TSPAN18: variants seen among roughly 807,000 people sequenced by gnomAD.
TSPAN18 encodes the protein tetraspanin 18, also known as tetraspanin-18.
In TSPAN18, 14 loss-of-function variants were observed where a neutral mutation model predicts 27.3. The observed-to-expected ratio is 0.51, with a 90% CI of 0.34 to 0.80. The LOEUF (loss-of-function observed/expected upper bound fraction) is 0.80. Ranked by LOEUF, TSPAN18 falls within the 30% of genes least tolerant of loss-of-function variation. The probability of loss-of-function intolerance (pLI) is 0.01; values close to 1 mark genes in which losing one functional copy is unlikely to be tolerated. For synonymous variants in TSPAN18, 143 were observed against 136.5 expected, an observed-to-expected ratio of 1.05 and a Z score of -0.33; for missense variants, 268 against 323.9, an observed-to-expected ratio of 0.83 and a Z score of 1.32.
intron 3 of TSPAN18, among the ~76,000 whole-genome samples, chr11:44,900,680 CTTTTTTTTTTTTT>C (rs72469181): frequency 6.0e-5 from 3 of 49,704 alleles, no homozygotes; most frequent in African/African-American, 9.0e-5. Context: ...TTGAGGAAGG[CTTTTTTTTTTTTT>C]TTTTTTTTTT....
At chr11:44,841,944 C>G (rs906687725) in intron 2 of TSPAN18, among the ~76,000 whole-genome samples, 5 of 152,166 alleles carry the variant, frequency 3.3e-5, no homozygotes, top group Admixed American at 3.3e-4. Flanking sequence ...AGAGGTGAGC[C>G]GTCTGTAAGC....
intron 1 of TSPAN18, among the ~76,000 whole-genome samples, chr11:44,747,983 C>G (rs1254000437): frequency 6.6e-6 from 1 of 152,254 alleles, no homozygotes; most frequent in South Asian, 2.1e-4. Context: ...GGTCAGAAGA[C>G]TTCGGTTCTC....
intron 1 of TSPAN18, among the ~76,000 whole-genome samples, chr11:44,746,018 G>A (rs1176803701): frequency 1.3e-5 from 2 of 152,102 alleles, no homozygotes; most frequent in South Asian, 2.1e-4. Context: ...CAGAGCGAGA[G>A]TCCATCTCAA....
intron 2 of TSPAN18, among the ~76,000 whole-genome samples, chr11:44,810,311 G>A (rs1016175764): frequency 1.3e-5 from 2 of 151,896 alleles, no homozygotes; most frequent in African/African-American, 4.8e-5. Context: ...TCAGCCCTTC[G>A]CAACCACCAA....
intron 2 of TSPAN18, among the ~76,000 whole-genome samples, chr11:44,842,018 C>A (rs571990227): frequency 6.6e-6 from 1 of 152,178 alleles, no homozygotes; most frequent in South Asian, 2.1e-4. Context: ...CATTGTGCAG[C>A]GGGGAAACTG....
chr11:44,739,970 G>A (rs990592742), intron 1 of TSPAN18, among the ~76,000 whole-genome samples: 4 of 152,164 alleles, frequency 2.6e-5, no homozygotes, highest in Non-Finnish European at 2.9e-5. Flanking sequence ...ATGGCCAGCC[G>A]TGATGCAGTC....
intron 2 of TSPAN18, among the ~76,000 whole-genome samples, chr11:44,794,668 A>T (rs1188748996): frequency 6.6e-6 from 1 of 151,536 alleles, no homozygotes; most frequent in East Asian, 1.9e-4. Context: ...ACTCTGTCTC[A>T]GGAAAAAAAA....
At chr11:44,726,944 G>A (rs1854526012), upstream of TSPAN18, 1 of 69,516 alleles carries the variant, frequency 1.4e-5, no homozygotes, top group Non-Finnish European at 4.0e-5. Context: ...GGTGGGGCCG[G>A]CGGGCTGGCG....
intron 2 of TSPAN18, among the ~76,000 whole-genome samples, chr11:44,840,113 C>T (rs920830753): frequency 2.0e-5 from 3 of 152,236 alleles, no homozygotes; most frequent in African/African-American, 7.2e-5. Context: ...AGAGAGAAAA[C>T]TCCTGAGGCC....
At chr11:44,743,217 C>T (rs1337834801) in intron 1 of TSPAN18, among the ~76,000 whole-genome samples, 1 of 152,062 alleles carries the variant, frequency 6.6e-6, no homozygotes, top group Non-Finnish European at 1.5e-5. Context: ...TCTGTCAGGC[C>T]CTGAACTTGG....
chr11:44,899,543 G>A (rs1392011502), intron 3 of TSPAN18, among the ~76,000 whole-genome samples: 1 of 152,242 alleles, frequency 6.6e-6, no homozygotes, highest in African/African-American at 2.4e-5. Context: ...TGTGCCTGGT[G>A]TCTAGGAGAG....
rs373031243 is a variant in TSPAN18 at position 44,916,819 on chromosome 11, A to C, written c.259-1153A>C. Among the ~76,000 whole-genome samples the C allele has an allele frequency of 6.9e-4, 105 of 152,234 alleles. 1 individual carries two copies. The highest frequency in any genetic ancestry group is 2.4e-3 in the African/African-American group (100 of 41,550). On this transcript the variant is annotated intron_variant, in intron 5 of 9. Transcript: ENST00000520358. ...TGGGTGCCTGGGAGGGCATGGAAGA[A>C]CCAGTCTCTGTGTGTGCCAGAGATA... is the stretch of plus-strand genomic sequence containing the variant.
intron 1 of TSPAN18, among the ~76,000 whole-genome samples, chr11:44,751,797 G>A (rs780514390): frequency 6.6e-6 from 1 of 151,976 alleles, no homozygotes; most frequent in Non-Finnish European, 1.5e-5. Flanking sequence ...CATGATGGCA[G>A]GTGCCTGTAA....
intron 2 of TSPAN18, among the ~76,000 whole-genome samples, chr11:44,821,855 G>A (rs979612784): frequency 5.9e-5 from 9 of 152,222 alleles, no homozygotes; most frequent in Non-Finnish European, 1.2e-4. Flanking sequence ...AGGTTGTGTG[G>A]TCAGCTTGGC....
chr11:44,915,386 G>A (rs1427133508), intron 5 of TSPAN18, among the ~76,000 whole-genome samples: 2 of 152,090 alleles, frequency 1.3e-5, no homozygotes, highest in Non-Finnish European at 2.9e-5. Context: ...CCACCCTCCT[G>A]GAAATGAGAA....
intron 3 of TSPAN18, among the ~76,000 whole-genome samples, chr11:44,887,660 G>T (rs993188999): frequency 6.6e-6 from 1 of 152,290 alleles, no homozygotes; most frequent in Non-Finnish European, 1.5e-5. Context: ...CATAGCCCCA[G>T]TGTGGAATTC....
intron 1 of TSPAN18, among the ~76,000 whole-genome samples, chr11:44,729,026 G>T (rs1190401727): frequency 6.6e-6 from 1 of 152,202 alleles, no homozygotes; most frequent in African/African-American, 2.4e-5. Flanking sequence ...TACAAAGGTG[G>T]GGGAAATGGG....
At chr11:44,855,858 T>A (rs1257571293) in intron 2 of TSPAN18, among the ~76,000 whole-genome samples, 1 of 149,480 alleles carries the variant, frequency 6.7e-6, no homozygotes, top group African/African-American at 2.5e-5. Context: ...TGCCTGGGCT[T>A]CTTGCTGCTT....
intron 2 of TSPAN18, among the ~76,000 whole-genome samples, chr11:44,854,904 A>G (rs1336157531): frequency 6.6e-6 from 1 of 152,248 alleles, no homozygotes; most frequent in Non-Finnish European, 1.5e-5. Context: ...GGAATCGGAG[A>G]CAATTTAAAT....
Sources: allele counts gnomAD v4.1 joint callset (sites outside exome capture counted in the v4.1 genomes callset), GRCh38; gene constraint gnomAD v4.1.1; transcripts MANE v1.5; gene names NCBI Gene and HGNC (gene_info 2026-07-23, HGNC 2026-07-21).